Variants in ZNF280D observed in about 807,000 individuals in gnomAD.
The protein encoded by ZNF280D is zinc finger protein 280D.
In ZNF280D, 39 loss-of-function variants were observed where a neutral mutation model predicts 94.7. The ratio of observed to expected loss-of-function variants is 0.41; its 90% CI spans 0.32 to 0.54. The LOEUF is 0.54. Ranked by LOEUF, ZNF280D falls within the 20% of genes least tolerant of loss-of-function variation. ZNF280D has a pLI of 0.22. For synonymous variants in ZNF280D, 398 were observed against 377.6 expected (o/e 1.05, Z -0.63); for missense variants, 1,090 against 1,149.3 (o/e 0.95, Z 0.75).
At chr15:56,662,795 G>C (rs138521477) in intron 16 of ZNF280D, among the ~76,000 whole-genome samples, 3 of 146,388 alleles carry the variant, frequency 2.0e-5, no homozygotes, top group Non-Finnish European at 4.5e-5. Context: ...CTGCACTCTA[G>C]CCTGGGTGAC....
intron 10 of ZNF280D, among the ~76,000 whole-genome samples, chr15:56,680,625 C>T (rs926260579): frequency 2.0e-5 from 3 of 151,052 alleles, no homozygotes; most frequent in South Asian, 2.1e-4. Flanking sequence ...TACAGGTGCA[C>T]GTCACCACGC....
At chr15:56,713,731 T>G (rs1197755242) in intron 1 of ZNF280D, among the ~76,000 whole-genome samples, 2 of 152,184 alleles carry the variant, frequency 1.3e-5, no homozygotes, top group Admixed American at 6.5e-5. Context: ...TTAATTTTAT[T>G]TAATGTTCAC....
At position 56,704,213 on chromosome 15, in the gene ZNF280D, G is replaced by A; in HGVS notation, c.83C>T (p.Pro28Leu). 1 of 1,613,072 alleles carries A rather than the reference G, an allele frequency of 6.2e-7. No homozygotes were observed. The highest frequency in any genetic ancestry group is 8.5e-7 in the Non-Finnish European group (1 of 1,179,626). The change falls in exon 4 of 22, where the codon CCA becomes CTA. Residue 28 changes from proline (P) to leucine (L), a missense_variant. Pro to Leu is a moderately conservative substitution (Grantham distance 98). Around this residue, in one of 3 missense-constraint regions of ZNF280D, gnomAD observed 386 missense variants for 372.0 expected, o/e 1.04. Transcript: ENST00000267807. Reference sequence around the variant, plus strand: ...AACTTCTTTTACTTTCTTCTGCCATGGTTCCAGCTCCTCTTCTTCACATTC... The same window carrying A: ...AACTTCTTTTACTTTCTTCTGCCATAGTTCCAGCTCCTCTTCTTCACATTC... ...FMECEEEELEPWQKKVKEVED... is the reference protein window; with the variant it reads ...FMECEEEELELWQKKVKEVED...
chr15:56,630,961 T>G lies in ZNF280D; in HGVS notation c.*537A>C, dbSNP rs1360062020. 1 of 153,016 alleles carries G rather than the reference T, an allele frequency of 6.5e-6. No homozygotes were observed. The highest frequency in any genetic ancestry group is 1.5e-5 in the Non-Finnish European group (1 of 68,612). The allele number at this position is 153,016 out of a possible 1,614,324, so 9.5% of individuals were successfully genotyped here. A position where few individuals can be genotyped will look rare whatever the true frequency, so the allele number is the denominator to read the frequency against. ...AGTTTATGTTCATCCAAATTCTCAT[T>G]AGATCAATTTAGTACTCTAAGCATG... On this transcript the variant is annotated 3_prime_UTR_variant, in exon 22 of 22. Transcript: ENST00000267807.
At chr15:56,726,971 G>A (rs1011452365) in intron 1 of ZNF280D, among the ~76,000 whole-genome samples, 7 of 152,188 alleles carry the variant, frequency 4.6e-5, no homozygotes, top group African/African-American at 1.7e-4. Flanking sequence ...CAAGTGGTTA[G>A]ACGTAGAGGC....
intron 14 of ZNF280D, among the ~76,000 whole-genome samples, chr15:56,667,534 TTAAAG>T (rs1227655223): frequency 1.3e-5 from 2 of 152,210 alleles, no homozygotes; most frequent in Non-Finnish European, 1.5e-5. Context: ...CAGAAATTTC[TTAAAG>T]TAAACTAATA....
chr15:56,696,417 T>G (rs2056751330), intron 6 of ZNF280D, among the ~76,000 whole-genome samples: 1 of 152,168 alleles, frequency 6.6e-6, no homozygotes, highest in Non-Finnish European at 1.5e-5. Flanking sequence ...TATAAATAGG[T>G]AAACTAAGGT....
In ZNF280D at chr15:56,680,189, T is replaced by A. The variant is rs541307090; in HGVS notation, c.1005-1368A>T. 2.0e-5 allele frequency among the ~76,000 whole-genome samples: 3 copies of A among 152,326 alleles called. No individual in the cohort carries two copies. In the East Asian group the frequency reaches 5.8e-4, roughly 29 times the overall value. ...AACTCCATACCACAATATATTGACA[T>A]GGCAGAGAAGAGAAATGAAATGTTG... On this transcript the variant is annotated intron_variant, in intron 10 of 21. Coordinates refer to ENST00000267807, the MANE Select transcript of ZNF280D (RefSeq NM_017661.4).
At chr15:56,653,301 T>C in intron 19 of ZNF280D, 15 of 1,219,782 alleles carry the variant, frequency 1.2e-5, no homozygotes, top group Non-Finnish European at 1.5e-5. Context: ...TTCTTGGTCA[T>C]AACTGACTCA....
intron 9 of ZNF280D, among the ~76,000 whole-genome samples, chr15:56,686,767 C>G (rs1384471125): frequency 3.9e-5 from 6 of 151,996 alleles, no homozygotes; most frequent in African/African-American, 1.4e-4. Flanking sequence ...TTGGGCTTTA[C>G]CATTAAAGAA....
rs761353984 is a variant in ZNF280D at position 56,668,928 on chromosome 15, G to A, written c.1440C>T (p.Cys480=). 6.2e-7 allele frequency: 1 copy of A among 1,611,178 alleles called. No individual in the cohort carries two copies. Among genetic ancestry groups the A allele is most frequent in the South Asian group, 1.1e-5 (1 of 90,598 alleles). Residue 480 remains cysteine (C), a synonymous_variant, in exon 14 of 22, where the codon TGC becomes TGT. Coordinates refer to ENST00000267807, the MANE Select transcript of ZNF280D (RefSeq NM_017661.4). ...QKKGIHRCTK[C]RLQFLTCKEK... ...CCTTGCATGTCAAAAACTGCAGCCTGCATTTTGTACAACGATGTATTCCTT... is the reference window on the plus strand; with the variant it reads ...CCTTGCATGTCAAAAACTGCAGCCTACATTTTGTACAACGATGTATTCCTT...
At chr15:56,703,203 T>C (rs759163767) in intron 4 of ZNF280D, among the ~76,000 whole-genome samples, 38 of 152,304 alleles carry the variant, frequency 2.5e-4, no homozygotes, top group Non-Finnish European at 2.5e-4. Context: ...AGGTACCAAG[T>C]TGTTCTGCCC....
intron 11 of ZNF280D, 101 bp downstream of exon 11, chr15:56,678,563 A>C: frequency 8.9e-7 from 1 of 1,128,458 alleles, no homozygotes; most frequent in Non-Finnish European, 1.2e-6. Flanking sequence ...TCCAAAGTCT[A>C]GTTCTCATTC....
intron 19 of ZNF280D, chr15:56,653,157 A>G: frequency 9.9e-7 from 1 of 1,014,544 alleles, no homozygotes; most frequent in Non-Finnish European, 1.2e-6. Flanking sequence ...AAGGATATGA[A>G]AGTAGCCATG....
In ZNF280D at chr15:56,666,694, G is replaced by C. The variant is rs2140856939; in HGVS notation, c.1838C>G (p.Ala613Gly). The C allele has an allele frequency of 6.2e-7, 1 of 1,605,904 alleles. No homozygotes were observed. The highest frequency in any genetic ancestry group is 2.2e-5 in the East Asian group (1 of 44,754). ...AAAAGATTACCTTAAATTCCTCAAT[G>C]CTGTATTGACTTTACTTTTTTTATT... ...SSNKKSKVNT[A>G]LRNLRYRRGI... is the part of the protein sequence containing the mutation. The change falls in exon 15 of 22, where the codon GCA (alanine) becomes GGA (glycine). Residue 613 changes from alanine (A) to glycine (G), a missense_variant. Transcript: ENST00000267807.
chr15:56,662,737 T>A (rs1251091576), intron 16 of ZNF280D, among the ~76,000 whole-genome samples: 2 of 151,130 alleles, frequency 1.3e-5, no homozygotes, highest in African/African-American at 4.9e-5. Flanking sequence ...GGCAGGAGAA[T>A]TGCGTGAACC....
At chr15:56,636,312 C>T (rs1202477951) in intron 20 of ZNF280D, among the ~76,000 whole-genome samples, 4 of 151,768 alleles carry the variant, frequency 2.6e-5, no homozygotes, top group African/African-American at 7.3e-5. Flanking sequence ...ATCAATTTGC[C>T]CAGAGAACCA....
chr15:56,695,617 C>A (rs963739588), intron 6 of ZNF280D, among the ~76,000 whole-genome samples: 1 of 151,498 alleles, frequency 6.6e-6, no homozygotes, highest in South Asian at 2.1e-4. Flanking sequence ...GCAACCTCCA[C>A]CTCCTGGGTT....
chr15:56,652,673 A>T (rs1446905135), intron 19 of ZNF280D: 2 of 985,316 alleles, frequency 2.0e-6, no homozygotes, highest in Non-Finnish European at 2.4e-6. Flanking sequence ...TTAATGGCTA[A>T]GTAGACATTA....
Sources: allele counts gnomAD v4.1 joint callset (sites outside exome capture counted in the v4.1 genomes callset), GRCh38; gene constraint gnomAD v4.1.1; regional missense constraint gnomAD v4.1.1; transcripts MANE v1.5; gene names NCBI Gene and HGNC (gene_info 2026-07-23, HGNC 2026-07-21).